DIP2C: variants seen among roughly 807,000 people sequenced by gnomAD.
DIP2C encodes the protein DIP2 acetate--CoA ligase C (putative), also known as disco-interacting protein 2 homolog C.
DIP2C carries 33 observed loss-of-function variants against 192.4 expected under a neutral mutation model. The observed-to-expected ratio is 0.17, with a 90% CI of 0.13 to 0.23. DIP2C has a LOEUF of 0.23. Ranked by LOEUF, DIP2C falls within the 10% of genes least tolerant of loss-of-function variation. DIP2C has a pLI of 1.00. For synonymous variants in DIP2C, 979 were observed against 864.1 expected (o/e 1.13, Z -2.33); for missense variants, 1,537 against 2,110.1 (o/e 0.73, Z 5.32).
chr10:593,923 CTG>C (rs151174686), intron 1 of DIP2C, among the ~76,000 whole-genome samples: 4,650 of 152,282 alleles, frequency 0.031, 228 homozygotes, highest in African/African-American at 0.1. Flanking sequence ...TAAAGGGCCT[CTG>C]AATTTCAGAG....
intron 20 of DIP2C, among the ~76,000 whole-genome samples, chr10:364,028 A>T (rs552173126): frequency 6.6e-6 from 1 of 152,324 alleles, no homozygotes; most frequent in African/African-American, 2.4e-5. Flanking sequence ...TCTGTGACTG[A>T]ACCATTGTCC....
chr10:334,310 A>AAAG (rs1957644779), intron 29 of DIP2C, among the ~76,000 whole-genome samples: 1 of 151,064 alleles, frequency 6.6e-6, no homozygotes, highest in East Asian at 1.9e-4. Flanking sequence ...GTCTCAAAAA[A>AAAG]AAAAAAAAAA....
chr10:424,006 G>A (rs918029693), intron 4 of DIP2C, among the ~76,000 whole-genome samples: 10 of 152,094 alleles, frequency 6.6e-5, no homozygotes, highest in African/African-American at 1.9e-4. Flanking sequence ...TAATTTATGA[G>A]AATATTTTTC....
chr10:672,017 A>AG (rs1830671329), intron 1 of DIP2C, among the ~76,000 whole-genome samples: 1 of 110,868 alleles, frequency 9.0e-6, no homozygotes, highest in African/African-American at 3.6e-5. Context: ...ACGGAGGAAA[A>AG]GCCACAGACG....
chr10:357,069 T>G (rs1280835488), intron 23 of DIP2C, among the ~76,000 whole-genome samples: 1 of 152,196 alleles, frequency 6.6e-6, no homozygotes, highest in Non-Finnish European at 1.5e-5. Context: ...TTATTTCACA[T>G]CAGGGTACAG....
intron 4 of DIP2C, among the ~76,000 whole-genome samples, chr10:427,664 A>G (rs1029980752): frequency 4.6e-5 from 7 of 152,252 alleles, no homozygotes; most frequent in Non-Finnish European, 8.8e-5. Context: ...AAGCACATTA[A>G]AAGATGCTTA....
At chr10:515,713 G>T (rs367622307) in intron 1 of DIP2C, among the ~76,000 whole-genome samples, 10 of 106,070 alleles carry the variant, frequency 9.4e-5, no homozygotes, top group African/African-American at 3.6e-4. Flanking sequence ...AACAGAGTGA[G>T]ACTGTCTCTC....
At chr10:615,842 A>G (rs1853436345) in intron 1 of DIP2C, among the ~76,000 whole-genome samples, 1 of 152,084 alleles carries the variant, frequency 6.6e-6, no homozygotes, top group African/African-American at 2.4e-5. Flanking sequence ...CTTCACCCAA[A>G]AGGGCTTTAG....
At chr10:389,164 CAA>C (rs1267825808) in intron 13 of DIP2C, among the ~76,000 whole-genome samples, 3 of 150,152 alleles carry the variant, frequency 2.0e-5, no homozygotes, top group Non-Finnish European at 4.4e-5. Context: ...TCTGGGGTCT[CAA>C]AGGGCCTCAG....
Position 344,845 on chromosome 10 carries a change from G to C in DIP2C, c.3417C>G (p.Phe1139Leu). 6.2e-7 allele frequency: 1 copy of C among 1,603,638 alleles called. No homozygotes were observed. Among genetic ancestry groups the C allele is most frequent in the Non-Finnish European group, 8.5e-7 (1 of 1,176,370 alleles). Residue 1139 changes from phenylalanine to leucine, a missense_variant, in exon 28 of 37, where the codon TTC (phenylalanine) becomes TTG (leucine). By Grantham distance (22) the Phe-to-Leu change is conservative (BLOSUM62 0). Transcript: ENST00000280886. ...CTAGCATCCCAGTTGTGGACACGCT[G>C]AAGTCGAGATATGCAAGAGTGTCTG... ...CNPDTLAYLD[F>L]SVSTTGMLAG...
chr10:289,382 C>T (rs1202017555), intron 32 of DIP2C, among the ~76,000 whole-genome samples: 2 of 152,152 alleles, frequency 1.3e-5, no homozygotes, highest in African/African-American at 2.4e-5. Context: ...AATCCTCCCA[C>T]CTCAGCCTCC....
intron 1 of DIP2C, among the ~76,000 whole-genome samples, chr10:627,431 T>C (rs74115087): frequency 0.1 from 15,254 of 152,202 alleles, 1,092 homozygotes; most frequent in African/African-American, 0.2. Flanking sequence ...TAGGGTTTTG[T>C]TACTGAGGAA....
intron 1 of DIP2C, among the ~76,000 whole-genome samples, chr10:502,009 G>C (rs1486638466): frequency 1.3e-5 from 2 of 152,150 alleles, no homozygotes. Context: ...AATTGGGTAT[G>C]ACAGCATGCA....
chr10:491,954 A>C (rs928827638), intron 1 of DIP2C, among the ~76,000 whole-genome samples: 6 of 152,102 alleles, frequency 3.9e-5, no homozygotes, highest in African/African-American at 1.2e-4. Context: ...TGACCCCAGA[A>C]AACAGGGGCT....
At chr10:627,850 T>A (rs986553948) in intron 1 of DIP2C, among the ~76,000 whole-genome samples, 4 of 152,212 alleles carry the variant, frequency 2.6e-5, no homozygotes, top group Admixed American at 1.3e-4. Flanking sequence ...GACGTGCACT[T>A]CATTCAGCCT....
At chr10:568,349 C>T (rs2131506934) in intron 1 of DIP2C, among the ~76,000 whole-genome samples, 1 of 152,260 alleles carries the variant, frequency 6.6e-6, no homozygotes, top group Middle Eastern at 3.4e-3. Flanking sequence ...TAGAGTTCTA[C>T]CGTGGGGTGA....
intron 1 of DIP2C, among the ~76,000 whole-genome samples, chr10:551,312 G>C (rs1032761199): frequency 6.6e-6 from 1 of 152,192 alleles, no homozygotes; most frequent in Non-Finnish European, 1.5e-5. Context: ...GCATACAGCA[G>C]GTGCCTGAGA....
At chr10:281,489 G>A (rs999451648) in intron 35 of DIP2C, among the ~76,000 whole-genome samples, 166 bp from the exon 36 acceptor site, 1 of 152,258 alleles carries the variant, frequency 6.6e-6, no homozygotes, top group African/African-American at 2.4e-5. Flanking sequence ...GGAGCTCCTT[G>A]GCAAGTGCTC....
rs569377112 is a variant in DIP2C at position 357,662 on chromosome 10, C to T, written c.2904+166G>A. 7.9e-5 allele frequency among the ~76,000 whole-genome samples: 12 copies of T among 152,084 alleles called. No individual in the cohort carries two copies. The South Asian group carries it at 2.1e-3, about 26-fold the overall frequency. ...ACCAGCGCGCGACATCGGAGACTGT[C>T]GGGAAAGTCGGGGACTGTCGGGGAC... is the stretch of plus-strand genomic sequence containing the variant. On this transcript the variant is annotated intron_variant, in intron 23 of 36. Transcript: ENST00000280886.
Sources: allele counts gnomAD v4.1 joint callset (sites outside exome capture counted in the v4.1 genomes callset), GRCh38; gene constraint gnomAD v4.1.1; transcripts MANE v1.5; gene names NCBI Gene and HGNC (gene_info 2026-07-23, HGNC 2026-07-21).